CMTM8: variants seen among roughly 807,000 people sequenced by gnomAD.
CMTM8 encodes CKLF-like MARVEL transmembrane domain-containing protein 8.
A neutral mutation model predicts 18.6 loss-of-function variants in CMTM8; 12 were observed. The ratio of observed to expected loss-of-function variants is 0.65; its 90% CI spans 0.41 to 1.05. CMTM8 has a LOEUF of 1.05. Among genes scored for constraint, CMTM8 ranks in the 50% least tolerant of loss-of-function variants. The probability of loss-of-function intolerance (pLI) is 0.00; values close to 1 mark genes in which losing one functional copy is unlikely to be tolerated. For missense variants in CMTM8, 217 were observed against 227.2 expected, an observed-to-expected ratio of 0.95 and a Z score of 0.29; for synonymous variants, 87 against 90.6, an observed-to-expected ratio of 0.96 and a Z score of 0.23.
At chr3:32,367,837 C>T (rs1166643892) in intron 2 of CMTM8, 35 bp from the exon 3 acceptor site, 1 of 1,453,214 alleles carries the variant, frequency 6.9e-7, no homozygotes, top group South Asian at 1.1e-5. Context: ...AGACCCTCCC[C>T]TCTCCCTAAA....
chr3:32,254,687 C>T (rs555972258), intron 1 of CMTM8, among the ~76,000 whole-genome samples: 14 of 151,946 alleles, frequency 9.2e-5, no homozygotes, highest in East Asian at 5.8e-4. Flanking sequence ...TTCCTGGCCA[C>T]GTACTTTGTG....
At chr3:32,286,484 T>C (rs1702688633) in intron 1 of CMTM8, among the ~76,000 whole-genome samples, 1 of 152,140 alleles carries the variant, frequency 6.6e-6, no homozygotes, top group East Asian at 1.9e-4. Flanking sequence ...GCAAAGTTAA[T>C]GTTCCCCACA....
intron 1 of CMTM8, among the ~76,000 whole-genome samples, chr3:32,345,366 AT>A (rs138228697): frequency 2.6e-4 from 39 of 150,628 alleles, no homozygotes; most frequent in South Asian, 6.3e-4. Context: ...AAAAACAACA[AT>A]TTTTTTTTTC....
chr3:32,307,941 AAGTC>A (rs1322312297), intron 1 of CMTM8, among the ~76,000 whole-genome samples: 1 of 152,224 alleles, frequency 6.6e-6, no homozygotes, highest in Non-Finnish European at 1.5e-5. Flanking sequence ...AAAGGGAAAT[AAGTC>A]AGCAAAGGCA....
At chr3:32,334,720 A>G (rs929613048) in intron 1 of CMTM8, among the ~76,000 whole-genome samples, 2 of 152,150 alleles carry the variant, frequency 1.3e-5, no homozygotes, top group African/African-American at 2.4e-5. Flanking sequence ...TGTATTTGCC[A>G]TATTCTTTTG....
chr3:32,368,030 T>G, intron 3 of CMTM8, 42 bp downstream of exon 3: 1 of 1,360,376 alleles, frequency 7.4e-7, no homozygotes, highest in African/African-American at 1.4e-5. Flanking sequence ...CTCTTCCCTC[T>G]CCAAGGCTTG....
intron 1 of CMTM8, among the ~76,000 whole-genome samples, chr3:32,352,737 G>A (rs1199967647): frequency 3.3e-5 from 5 of 152,148 alleles, no homozygotes; most frequent in African/African-American, 4.8e-5. Flanking sequence ...TGCTGGCAGT[G>A]TTGTGTTTCT....
At chr3:32,285,389 C>G (rs767524520) in intron 1 of CMTM8, among the ~76,000 whole-genome samples, 1 of 151,810 alleles carries the variant, frequency 6.6e-6, no homozygotes, top group Non-Finnish European at 1.5e-5. Flanking sequence ...TTGGCACACA[C>G]GTGTAATTTA....
chr3:32,272,707 A>C (rs1045615625), intron 1 of CMTM8, among the ~76,000 whole-genome samples: 1 of 152,226 alleles, frequency 6.6e-6, no homozygotes, highest in African/African-American at 2.4e-5. Context: ...ATGTGGGGCT[A>C]TAAATTGAAA....
At chr3:32,343,868 T>G (rs952057087) in intron 1 of CMTM8, among the ~76,000 whole-genome samples, 2 of 151,996 alleles carry the variant, frequency 1.3e-5, no homozygotes, top group East Asian at 1.9e-4. Flanking sequence ...CCTGGCTAAT[T>G]TTTTGTATTT....
intron 1 of CMTM8, among the ~76,000 whole-genome samples, chr3:32,327,711 G>C (rs568617053): frequency 6.6e-6 from 1 of 152,130 alleles, no homozygotes; most frequent in Non-Finnish European, 1.5e-5. Flanking sequence ...TTTTTTATGT[G>C]GCAGGTCAAA....
chr3:32,350,312 T>C (rs1434286708), intron 1 of CMTM8, among the ~76,000 whole-genome samples: 1 of 152,130 alleles, frequency 6.6e-6, no homozygotes, highest in Non-Finnish European at 1.5e-5. Flanking sequence ...AACTCAGCTT[T>C]CTTAGGGTCA....
intron 1 of CMTM8, among the ~76,000 whole-genome samples, chr3:32,321,361 G>A (rs1696047784): frequency 6.6e-6 from 1 of 152,162 alleles, no homozygotes; most frequent in Admixed American, 6.5e-5. Context: ...ACGGGGGCTT[G>A]GGTGTGCATG....
chr3:32,249,282 T>C (rs113403776), intron 1 of CMTM8, among the ~76,000 whole-genome samples: 1 of 150,928 alleles, frequency 6.6e-6, no homozygotes, highest in Non-Finnish European at 1.5e-5. Flanking sequence ...TAGAAAAAAT[T>C]AGCTGGGCAC....
At chr3:32,367,847 A>G in intron 2 of CMTM8, 25 bp from the exon 3 acceptor site, 1 of 1,530,150 alleles carries the variant, frequency 6.5e-7, no homozygotes, top group Non-Finnish European at 9.0e-7. Flanking sequence ...CTCTCCCTAA[A>G]CACTCTGCCC....
chr3:32,295,723 TC>T (rs1575164305), intron 1 of CMTM8, among the ~76,000 whole-genome samples: 1 of 152,172 alleles, frequency 6.6e-6, no homozygotes, highest in East Asian at 1.9e-4. Flanking sequence ...TATTAATGTC[TC>T]CCCTCTGCTT....
chr3:32,352,939 G>A (rs150727066), intron 1 of CMTM8, among the ~76,000 whole-genome samples: 50 of 151,868 alleles, frequency 3.3e-4, no homozygotes, highest in African/African-American at 1.1e-3. Flanking sequence ...TGGTGAAGGT[G>A]CAAAAGCATG....
chr3:32,263,010 GC>G (rs1702277569), intron 1 of CMTM8, among the ~76,000 whole-genome samples: 1 of 152,222 alleles, frequency 6.6e-6, no homozygotes, highest in Non-Finnish European at 1.5e-5. Flanking sequence ...TTCCAAAATA[GC>G]CGAATAGGAA....
chr3:32,315,276 CATG>C (rs1695902101), intron 1 of CMTM8, among the ~76,000 whole-genome samples: 1 of 151,972 alleles, frequency 6.6e-6, no homozygotes, highest in Admixed American at 6.6e-5. Flanking sequence ...ATTACAGGCG[CATG>C]CCACCACACC....
Sources: gnomAD v4.1 joint callset for allele counts (sites outside exome capture counted in the v4.1 genomes callset) on GRCh38, gnomAD v4.1.1 for gene constraint, MANE v1.5 for transcripts, NCBI Gene and HGNC (gene_info 2026-07-23, HGNC 2026-07-21) for gene names.